SLC24A2: variants seen among roughly 807,000 people sequenced by gnomAD.
SLC24A2 encodes sodium/potassium/calcium exchanger 2.
A neutral mutation model predicts 62.0 loss-of-function variants in SLC24A2; 36 were observed. The ratio of observed to expected loss-of-function variants is 0.58; its 90% CI spans 0.44 to 0.77. The LOEUF is 0.77. Among genes scored for constraint, SLC24A2 ranks in the 30% least tolerant of loss-of-function variants. The probability of loss-of-function intolerance (pLI) is 0.00; values close to 1 mark genes in which losing one functional copy is unlikely to be tolerated. For synonymous variants in SLC24A2, 358 were observed against 294.0 expected, an observed-to-expected ratio of 1.22 and a Z score of -2.23; for missense variants, 846 against 817.9, an observed-to-expected ratio of 1.03 and a Z score of -0.42.
At chr9:19,610,325 G>A (rs921653288) in intron 4 of SLC24A2, among the ~76,000 whole-genome samples, 3 of 152,150 alleles carry the variant, frequency 2.0e-5, no homozygotes, top group African/African-American at 7.2e-5. Flanking sequence ...AAATTGAGGT[G>A]GATGTTATTT....
the SLC24A2 span, among the ~76,000 whole-genome samples, chr9:19,986,901 T>G: frequency 6.6e-6 from 1 of 152,134 alleles, no homozygotes; most frequent in Non-Finnish European, 1.5e-5. Context: ...TAAATGCCAT[T>G]GAAATGTTCA....
At chr9:19,843,663 C>A in the SLC24A2 span, among the ~76,000 whole-genome samples, 3 of 152,086 alleles carry the variant, frequency 2.0e-5, no homozygotes, top group African/African-American at 7.2e-5. Context: ...CTTTTTCAAC[C>A]CTTGTCTCCC....
chr9:19,862,995 C>T, the SLC24A2 span, among the ~76,000 whole-genome samples: 2 of 151,870 alleles, frequency 1.3e-5, no homozygotes, highest in Non-Finnish European at 2.9e-5. Context: ...TAAGTCTTTA[C>T]TACAAGAAAC....
chr9:19,654,775 C>T (rs981537213), intron 2 of SLC24A2, among the ~76,000 whole-genome samples: 1 of 152,204 alleles, frequency 6.6e-6, no homozygotes, highest in Admixed American at 6.5e-5. Context: ...TGATGTCCAA[C>T]TGCTTTGCCC....
At chr9:19,821,019 C>G in the SLC24A2 span, among the ~76,000 whole-genome samples, 3 of 152,058 alleles carry the variant, frequency 2.0e-5, no homozygotes, top group African/African-American at 7.2e-5. Context: ...TTCAAAACCT[C>G]TGAATGGCTT....
chr9:20,185,676 A>AG, the SLC24A2 span, among the ~76,000 whole-genome samples: 15 of 151,740 alleles, frequency 9.9e-5, no homozygotes, highest in East Asian at 7.7e-4. Context: ...AAAAAAAAAA[A>AG]AAAAGAAAAG....
rs748876749 is a variant in SLC24A2 at position 19,644,830 on chromosome 9, C to T, written c.931-22531G>A. Among the ~76,000 whole-genome samples, 168 of 151,720 alleles carry T rather than the reference C, an allele frequency of 1.1e-3. 2 individuals are homozygous for T. The highest frequency in any genetic ancestry group is 3.5e-4 in the Non-Finnish European group (24 of 67,968). ...TATAAAATATTTGTTATTATTAATG[C>T]TACTTTTTGCATTAAAAATTTTCTA... On this transcript the variant is annotated intron_variant, in intron 2 of 10. Coordinates refer to ENST00000341998, the MANE Select transcript of SLC24A2 (RefSeq NM_020344.4).
At chr9:19,947,459 A>G in the SLC24A2 span, among the ~76,000 whole-genome samples, 18 of 146,760 alleles carry the variant, frequency 1.2e-4, no homozygotes, top group Admixed American at 1.1e-3. Context: ...AAAGAAAGAA[A>G]GGCAGGAAGG....
At chr9:19,823,947 GC>G in the SLC24A2 span, among the ~76,000 whole-genome samples, 154 of 152,296 alleles carry the variant, frequency 1.0e-3, 3 homozygotes, top group Middle Eastern at 0.017. Flanking sequence ...AATAAATGGT[GC>G]TGGGAAAACT....
At chr9:19,655,792 C>G (rs1269385702) in intron 2 of SLC24A2, among the ~76,000 whole-genome samples, 1 of 152,092 alleles carries the variant, frequency 6.6e-6, no homozygotes, top group East Asian at 1.9e-4. Context: ...TGGAGGTTGC[C>G]TGAGTGCTGT....
At chr9:19,878,998 A>C in the SLC24A2 span, among the ~76,000 whole-genome samples, 2 of 152,168 alleles carry the variant, frequency 1.3e-5, no homozygotes, top group African/African-American at 4.8e-5. Flanking sequence ...TTTGGAGACC[A>C]CCTTCAAAAC....
the SLC24A2 span, among the ~76,000 whole-genome samples, chr9:19,850,959 A>G: frequency 4.4e-5 from 1 of 22,730 alleles, no homozygotes; most frequent in African/African-American, 1.3e-4. Context: ...ATATATATAT[A>G]TATATATGTA....
chr9:19,778,666 C>A (rs1822916521), intron 2 of SLC24A2, among the ~76,000 whole-genome samples: 1 of 152,106 alleles, frequency 6.6e-6, no homozygotes, highest in African/African-American at 2.4e-5. Context: ...TAGAATGGCC[C>A]CAGTTGGTAG....
chr9:19,637,761 G>A (rs372593305), intron 2 of SLC24A2, among the ~76,000 whole-genome samples: 2 of 152,204 alleles, frequency 1.3e-5, no homozygotes, highest in African/African-American at 2.4e-5. Flanking sequence ...TAAAGACAGC[G>A]TTTACTCAGT....
chr9:19,722,126 C>G (rs1255637983), intron 2 of SLC24A2, among the ~76,000 whole-genome samples: 1 of 152,016 alleles, frequency 6.6e-6, no homozygotes, highest in African/African-American at 2.4e-5. Flanking sequence ...TGCTCAAATC[C>G]AAATGGAAAT....
the SLC24A2 span, among the ~76,000 whole-genome samples, chr9:20,275,572 C>T: frequency 3.9e-5 from 6 of 152,164 alleles, no homozygotes; most frequent in Non-Finnish European, 5.9e-5. Context: ...CTGATGAGGC[C>T]TTTTTCCTCA....
chr9:19,773,921 T>C (rs1822765785), intron 2 of SLC24A2, among the ~76,000 whole-genome samples: 1 of 152,204 alleles, frequency 6.6e-6, no homozygotes, highest in African/African-American at 2.4e-5. Flanking sequence ...TCTCTCTTAA[T>C]CCTCTGCAAG....
At chr9:20,206,508 G>A in the SLC24A2 span, among the ~76,000 whole-genome samples, 6 of 152,044 alleles carry the variant, frequency 3.9e-5, no homozygotes, top group African/African-American at 1.4e-4. Flanking sequence ...TTATTATTTT[G>A]AGATGGTGTC....
At chr9:19,713,590 C>T (rs1820776665) in intron 2 of SLC24A2, among the ~76,000 whole-genome samples, 1 of 146,054 alleles carries the variant, frequency 6.8e-6, no homozygotes, top group African/African-American at 2.4e-5. Flanking sequence ...TGCCTTTGAG[C>T]AAAAGACCTT....
Sources: gnomAD v4.1 joint callset for allele counts (sites outside exome capture counted in the v4.1 genomes callset) on GRCh38, gnomAD v4.1.1 for gene constraint, MANE v1.5 for transcripts, NCBI Gene and HGNC (gene_info 2026-07-23, HGNC 2026-07-21) for gene names.